Variants in ZNF695 observed in about 807,000 individuals in gnomAD.
ZNF695 encodes zinc finger protein SBZF3.
In ZNF695, 11 loss-of-function variants were observed where a neutral mutation model predicts 11.2. The observed-to-expected ratio is 0.98, with a 90% CI of 0.62 to 1.62. The LOEUF (loss-of-function observed/expected upper bound fraction) is 1.62, where lower values mean the gene tolerates loss of function less well. Ranked by LOEUF, ZNF695 falls within the 40% of genes most tolerant of loss-of-function variation. The pLI is 0.00. For synonymous variants in ZNF695, 190 were observed against 201.4 expected (o/e 0.94, Z 0.48); for missense variants, 559 against 590.5 (o/e 0.95, Z 0.55).
Position 246,999,434 on chromosome 1 carries a change from G to A in ZNF695, c.173C>T (p.Ala58Val). 6.2e-7 allele frequency: 1 copy of A among 1,613,322 alleles called. No individual in the cohort carries two copies. The highest frequency in any genetic ancestry group is 8.5e-7 in the Non-Finnish European group (1 of 1,179,632). ...GATGATCAGTTCTGGCTTAGACATA[G>A]CAAGACCTGTTTTATTAGAAAAAAG... ...FNMQFLFHSL[A>V]MSKPELIICL... The change falls in exon 3 of 4, where the codon GCT (alanine) becomes GTT (valine). Residue 58 changes from alanine (A) to valine (V), a missense_variant. Coordinates refer to ENST00000339986, the MANE Select transcript of ZNF695 (RefSeq NM_020394.5).
intron 3 of ZNF695, among the ~76,000 whole-genome samples, chr1:246,997,616 CCATGTT>C (rs1293526811): frequency 6.6e-6 from 1 of 152,072 alleles, no homozygotes; most frequent in South Asian, 2.1e-4. Flanking sequence ...ATCTGCATCC[CCATGTT>C]CATTACAGCA....
At chr1:246,989,697 A>G (rs1185517748) in intron 3 of ZNF695, among the ~76,000 whole-genome samples, 1 of 152,212 alleles carries the variant, frequency 6.6e-6, no homozygotes, top group East Asian at 1.9e-4. Context: ...ATGAAAACAC[A>G]AGACCCACTG....
At chr1:246,984,354 A>G (rs1486548976), downstream of ZNF695, among the ~76,000 whole-genome samples, 1 of 152,018 alleles carries the variant, frequency 6.6e-6, no homozygotes, top group Non-Finnish European at 1.5e-5. Flanking sequence ...GAGACCACAA[A>G]AAAACAGAGA....
rs547883718 is a variant in ZNF695, at chr1:246,985,724, GTTTC to G, written c.*1239_*1242del. 1,797 of 985,294 alleles carry G rather than the reference GTTTC, an allele frequency of 1.8e-3. 3 individuals carry two copies. The highest frequency in any genetic ancestry group is 2.0e-3 in the Non-Finnish European group (1,679 of 829,818). The allele number at this position is 985,294 out of a possible 1,614,324, so 61.0% of individuals were successfully genotyped here. ...AACAACTGACTTGTAAAACTCAAAT[GTTTC>G]TTTCTTAAATATAATGCAGAATAGT... is the stretch of plus-strand genomic sequence containing the variant. On this transcript the variant is annotated 3_prime_UTR_variant, in exon 4 of 4. Transcript: ENST00000339986.
At chr1:247,007,494 CA>C (rs34758795) in intron 1 of ZNF695, among the ~76,000 whole-genome samples, 20 of 79,448 alleles carry the variant, frequency 2.5e-4, no homozygotes, top group South Asian at 5.4e-4. Flanking sequence ...GACTCCGTCT[CA>C]AAAAAAAAAA....
chr1:247,007,222 G>A (rs1319592559), intron 1 of ZNF695, among the ~76,000 whole-genome samples: 1 of 150,876 alleles, frequency 6.6e-6, no homozygotes, highest in Non-Finnish European at 1.5e-5. Flanking sequence ...GAGGAGAAAG[G>A]AGACCGGGCG....
At chr1:246,983,854 C>A (rs191940998), downstream of ZNF695, among the ~76,000 whole-genome samples, 1 of 151,442 alleles carries the variant, frequency 6.6e-6, no homozygotes, top group African/African-American at 2.4e-5. Flanking sequence ...TCTATCATCA[C>A]ATTAAAAAAT....
rs748363026 is a variant in ZNF695, at chr1:246,957,381, TAAA to T, written c.488+10311_488+10313del. On this transcript the variant is annotated intron_variant, in intron 5 of 5. Coordinates refer to the ZNF695 transcript ENST00000487338. ...CTGGGCAACACAGCGAAACTCCGTC[TAAA>T]AAAAAAAAAAAAGAATTGGGGAACA... Among the ~76,000 whole-genome samples the T allele has an allele frequency of 7.0e-5, 9 of 129,454 alleles. 1 individual carries two copies. Among genetic ancestry groups the T allele is most frequent in the South Asian group, 5.0e-4 (2 of 4,008 alleles). 84.9% of individuals were successfully genotyped at this position (129,454 alleles called of 152,430 possible).
chr1:246,976,523 G>C (rs755362194), intron 4 of ZNF695, among the ~76,000 whole-genome samples: 3 of 151,954 alleles, frequency 2.0e-5, no homozygotes, highest in African/African-American at 4.8e-5. Context: ...GGCCGGGCGC[G>C]GTGGCTCACA....
intron 4 of ZNF695, among the ~76,000 whole-genome samples, chr1:246,974,161 C>CAA (rs912540573): frequency 2.1e-5 from 3 of 142,702 alleles, no homozygotes; most frequent in Admixed American, 7.0e-5. Context: ...AACAAACAAA[C>CAA]AAAAAAAAAC....
Position 246,961,731 on chromosome 1 carries a change from G to A in ZNF695, c.488+5964C>T, listed in dbSNP as rs904940689. The stretch of plus-strand genomic sequence containing the variant: ...GACTATTTTCTTGGGTGCTGCCCTC[G>A]GGCTCCACATCCTGCAGCCTGCCTC... On this transcript the variant is annotated intron_variant, in intron 5 of 5. Transcript: ENST00000487338. 9.9e-5 allele frequency among the ~76,000 whole-genome samples: 15 copies of A among 152,212 alleles called. No homozygotes were observed. The East Asian group carries it at 2.3e-3, about 24-fold the overall frequency.
intron 4 of ZNF695, among the ~76,000 whole-genome samples, chr1:246,977,748 A>G (rs142724818): frequency 1.3e-5 from 2 of 152,364 alleles, no homozygotes; most frequent in East Asian, 3.9e-4. Context: ...ACTTTTGTAT[A>G]GTATCAGAAC....
Position 246,986,240 on chromosome 1 carries a change from T to C in ZNF695, c.*727A>G. The C allele has an allele frequency of 1.8e-6, 1 of 564,304 alleles. No homozygotes were observed. The highest frequency in any genetic ancestry group is 7.8e-5 in the South Asian group (1 of 12,892). The allele number at this position is 564,304 out of a possible 1,614,324, so 35.0% of individuals were successfully genotyped here. ...TGTGCCACCAAGCCTGGCTTTTATT[T>C]TACTTTTTGTAGAGATGAGGTTTTG... On this transcript the variant is annotated 3_prime_UTR_variant, in exon 4 of 4. Coordinates refer to ENST00000339986, the MANE Select transcript of ZNF695 (RefSeq NM_020394.5).
chr1:247,003,196 G>T (rs77509256), intron 1 of ZNF695, among the ~76,000 whole-genome samples: 1 of 152,124 alleles, frequency 6.6e-6, no homozygotes, highest in Non-Finnish European at 1.5e-5. Flanking sequence ...CAATAGCAAA[G>T]ACATGGAGTC....
In ZNF695 at chr1:246,985,489, G is replaced by A. The variant is rs1231187002; in HGVS notation, c.*1478C>T. 2.0e-6 allele frequency: 2 copies of A among 985,172 alleles called. No homozygotes were observed. Among genetic ancestry groups the A allele is most frequent in the Non-Finnish European group, 2.4e-6 (2 of 829,894 alleles). 61.0% of individuals were successfully genotyped at this position (985,172 alleles called of 1,614,324 possible). A position where few individuals can be genotyped will look rare whatever the true frequency, so the allele number is the denominator to read the frequency against. On this transcript the variant is annotated 3_prime_UTR_variant, in exon 4 of 4. Transcript: ENST00000339986. The stretch of plus-strand genomic sequence containing the variant: ...ATCATTAGAGATACTATTCCACCAT[G>A]TTACCCACTATTGTATTGTTACCAT...
At chr1:246,989,094 A>AG (rs1668945978) in intron 3 of ZNF695, among the ~76,000 whole-genome samples, 6 of 121,132 alleles carry the variant, frequency 5.0e-5, no homozygotes, top group African/African-American at 1.7e-4. Flanking sequence ...ACTCCGTCTC[A>AG]GAAAAAAAAA....
At chr1:246,995,765 A>G (rs1227390861) in intron 3 of ZNF695, among the ~76,000 whole-genome samples, 1 of 146,074 alleles carries the variant, frequency 6.8e-6, no homozygotes, top group East Asian at 2.0e-4. Flanking sequence ...GTGAGCCGAG[A>G]TCGCACCATT....
intron 3 of ZNF695, among the ~76,000 whole-genome samples, chr1:246,994,564 G>A (rs908452462): frequency 2.2e-4 from 33 of 151,798 alleles, no homozygotes; most frequent in Middle Eastern, 7.0e-3. Context: ...AAAGCCGGGC[G>A]TGGTGGCTCA....
chr1:247,007,438 G>C (rs1349701987), intron 1 of ZNF695, among the ~76,000 whole-genome samples: 1 of 147,370 alleles, frequency 6.8e-6, no homozygotes, highest in East Asian at 2.0e-4. Context: ...AGAGGTTGCG[G>C]TGAGCCGAGA....
Sources: gnomAD v4.1 joint callset for allele counts (sites outside exome capture counted in the v4.1 genomes callset) on GRCh38, gnomAD v4.1.1 for gene constraint, MANE v1.5 for transcripts, NCBI Gene and HGNC (gene_info 2026-07-23, HGNC 2026-07-21) for gene names.